Variants in CTNNA3 observed in about 807,000 individuals in gnomAD.
CTNNA3 encodes the protein catenin alpha 3, also known as catenin alpha-3.
A neutral mutation model predicts 95.7 loss-of-function variants in CTNNA3; 76 were observed. That is an observed-to-expected ratio of 0.79 (90% CI 0.66 to 0.96). CTNNA3 has a LOEUF of 0.96. CTNNA3 is among the 40% of genes least tolerant of loss of function. The probability of loss-of-function intolerance (pLI) is 0.00; values close to 1 mark genes in which losing one functional copy is unlikely to be tolerated. For missense variants in CTNNA3, 1,191 were observed against 1,089.8 expected, an observed-to-expected ratio of 1.09 and a Z score of -1.31; for synonymous variants, 431 against 374.4, an observed-to-expected ratio of 1.15 and a Z score of -1.74.
At chr10:67,501,609 G>A (rs1007733504) in intron 5 of CTNNA3, among the ~76,000 whole-genome samples, 5 of 152,136 alleles carry the variant, frequency 3.3e-5, no homozygotes, top group African/African-American at 4.8e-5. Flanking sequence ...TCAGTCAAAC[G>A]TAGGTTTGGT....
chr10:67,184,462 C>T, intron 6 of CTNNA3, among the ~76,000 whole-genome samples: 1 of 152,186 alleles, frequency 6.6e-6, no homozygotes, highest in African/African-American at 2.4e-5. Context: ...CCCGGAGCAA[C>T]ATTTTTGACA....
chr10:66,073,145 A>G (rs1259427772), intron 14 of CTNNA3, among the ~76,000 whole-genome samples: 2 of 152,074 alleles, frequency 1.3e-5, no homozygotes, highest in Non-Finnish European at 2.9e-5. Flanking sequence ...GTTTGAGAAG[A>G]TGTTGGTCAG....
chr10:67,088,255 C>T (rs1047733812), intron 7 of CTNNA3, among the ~76,000 whole-genome samples: 1 of 151,136 alleles, frequency 6.6e-6, no homozygotes, highest in South Asian at 2.1e-4. Flanking sequence ...TGGCATATGG[C>T]CCAGAGAAGG....
intron 11 of CTNNA3, among the ~76,000 whole-genome samples, chr10:66,413,918 T>C (rs1026485282): frequency 1.8e-4 from 28 of 152,280 alleles, no homozygotes; most frequent in African/African-American, 5.8e-4. Context: ...AAATATCAAA[T>C]GGGGAGATAC....
chr10:66,036,728 G>A (rs192264588), intron 15 of CTNNA3, among the ~76,000 whole-genome samples: 18 of 151,832 alleles, frequency 1.2e-4, no homozygotes, highest in Non-Finnish European at 2.1e-4. Context: ...CTAACTCCTT[G>A]GTTTACTTTT....
intron 10 of CTNNA3, among the ~76,000 whole-genome samples, chr10:66,617,351 AG>A (rs200722866): frequency 0.018 from 2,714 of 152,204 alleles, 184 homozygotes; most frequent in Admixed American, 0.11. Context: ...CACATCAAAA[AG>A]CTTATCCACC....
Position 66,632,582 on chromosome 10 carries a change from A to G in CTNNA3, c.1282-10798T>C, listed in dbSNP as rs573738442. Among the ~76,000 whole-genome samples, 536 of 149,732 alleles carry G rather than the reference A, an allele frequency of 3.6e-3. 3 individuals carry two copies. Among genetic ancestry groups the G allele is most frequent in the African/African-American group, 0.012 (487 of 41,218 alleles). On this transcript the variant is annotated intron_variant, in intron 9 of 17. Transcript: ENST00000433211. Reference sequence around the variant, plus strand: ...AAAAAAAAAAAAAAAAAAAAGAATGAAGAAAAGTATTATGTGCCAGTAATT... The same window carrying G: ...AAAAAAAAAAAAAAAAAAAAGAATGGAGAAAAGTATTATGTGCCAGTAATT...
At chr10:67,391,139 T>C (rs1470952183) in intron 5 of CTNNA3, among the ~76,000 whole-genome samples, 2 of 152,024 alleles carry the variant, frequency 1.3e-5, no homozygotes, top group Non-Finnish European at 2.9e-5. Flanking sequence ...GACGACATGA[T>C]TGTATATCTA....
At chr10:67,276,900 T>C (rs540028124) in intron 5 of CTNNA3, among the ~76,000 whole-genome samples, 21 of 151,906 alleles carry the variant, frequency 1.4e-4, no homozygotes, top group Middle Eastern at 3.4e-3. Context: ...TATATACACA[T>C]ATATATATTA....
At chr10:65,983,669 AAT>A (rs1245490088) in intron 16 of CTNNA3, among the ~76,000 whole-genome samples, 1 of 151,382 alleles carries the variant, frequency 6.6e-6, no homozygotes, top group Non-Finnish European at 1.5e-5. Flanking sequence ...ACAAGACTTA[AAT>A]ATATCTTTGA....
intron 10 of CTNNA3, among the ~76,000 whole-genome samples, chr10:66,599,466 T>C (rs1185664431): frequency 6.6e-6 from 1 of 152,012 alleles, no homozygotes; most frequent in African/African-American, 2.4e-5. Flanking sequence ...CCATTTCTCC[T>C]AGGCTGCCCC....
At chr10:67,658,781 T>G (rs993034788) in intron 1 of CTNNA3, among the ~76,000 whole-genome samples, 1 of 152,226 alleles carries the variant, frequency 6.6e-6, no homozygotes, top group African/African-American at 2.4e-5. Flanking sequence ...TTTTATTTCC[T>G]TAGCATCCAA....
chr10:67,336,056 T>C (rs1841984702), intron 5 of CTNNA3, among the ~76,000 whole-genome samples: 1 of 152,166 alleles, frequency 6.6e-6, no homozygotes, highest in Non-Finnish European at 1.5e-5. Context: ...TGATCTATGT[T>C]ACCATCGTAA....
chr10:66,473,153 G>A (rs1404848990), intron 11 of CTNNA3, among the ~76,000 whole-genome samples: 1 of 151,960 alleles, frequency 6.6e-6, no homozygotes, highest in African/African-American at 2.4e-5. Context: ...TCATTTCTTT[G>A]TGGTGAGAAC....
At chr10:66,484,022 C>T (rs1839637823) in intron 11 of CTNNA3, among the ~76,000 whole-genome samples, 1 of 152,024 alleles carries the variant, frequency 6.6e-6, no homozygotes, top group South Asian at 2.1e-4. Context: ...AACTACCTCT[C>T]CAAGGAAGTA....
At position 65,919,499 on chromosome 10, in the gene CTNNA3, A is replaced by G. The variant is rs1181545277; in HGVS notation, c.*831T>C. On this transcript the variant is annotated 3_prime_UTR_variant, in exon 18 of 18. Transcript: ENST00000433211. ...AACTTACACTTCTGTTATTATTAAT[A>G]TAACTCACTTTGGGATATAGTTTGT... 1 of 152,214 alleles carries G rather than the reference A, an allele frequency of 6.6e-6. No individual in the cohort carries two copies. The highest frequency in any genetic ancestry group is 2.4e-5 in the African/African-American group (1 of 41,462). The allele number at this position is 152,214 out of a possible 1,614,324, so 9.4% of individuals were successfully genotyped here.
intron 7 of CTNNA3, among the ~76,000 whole-genome samples, chr10:67,089,886 T>A (rs1338982945): frequency 1.3e-5 from 2 of 152,052 alleles, no homozygotes; most frequent in African/African-American, 4.8e-5. Context: ...GTCTTCATCA[T>A]GTTTGTTCTC....
chr10:67,259,007 A>T (rs183945563), intron 5 of CTNNA3, among the ~76,000 whole-genome samples: 1 of 152,344 alleles, frequency 6.6e-6, no homozygotes, highest in East Asian at 1.9e-4. Flanking sequence ...ACTACTATGT[A>T]AATAATTGTT....
intron 5 of CTNNA3, among the ~76,000 whole-genome samples, chr10:67,412,360 T>A (rs1845398962): frequency 6.6e-6 from 1 of 152,006 alleles, no homozygotes; most frequent in Admixed American, 6.6e-5. Flanking sequence ...AAATATGGGA[T>A]TATGACCAAA....
Sources: allele counts gnomAD v4.1 joint callset (sites outside exome capture counted in the v4.1 genomes callset), GRCh38; gene constraint gnomAD v4.1.1; transcripts MANE v1.5; gene names NCBI Gene and HGNC (gene_info 2026-07-23, HGNC 2026-07-21).